The following U2SURP variants were observed in gnomAD, a reference collection of about 807,000 sequenced individuals.
U2SURP encodes the protein U2 snRNP associated SURP domain containing, also known as U2 snRNP-associated SURP motif-containing protein.
U2SURP carries 9 observed loss-of-function variants against 144.9 expected under a neutral mutation model. The observed-to-expected ratio is 0.06, with a 90% confidence interval of 0.04 to 0.11. The LOEUF (loss-of-function observed/expected upper bound fraction) is 0.11. Ranked by LOEUF, U2SURP falls within the 10% of genes least tolerant of loss-of-function variation. U2SURP has a pLI of 1.00. For missense variants in U2SURP, 724 were observed against 1,226.7 expected (o/e 0.59, Z 6.12); for synonymous variants, 408 against 396.8 (o/e 1.03, Z -0.33).
chr3:143,011,835 A>G, intron 2 of U2SURP: 1 of 402,386 alleles, frequency 2.5e-6, no homozygotes. Context: ...CCAAAATGTG[A>G]TGTTTGTTTG....
chr3:143,055,221 T>TTA, intron 27 of U2SURP, 102 bp downstream of exon 27: 1 of 1,020,116 alleles, frequency 9.8e-7, no homozygotes, highest in Non-Finnish European at 1.4e-6. Context: ...TTTTTTTTTT[T>TTA]AAGGATTTTA....
chr3:143,011,243 A>G (rs1936109978), intron 2 of U2SURP, among the ~76,000 whole-genome samples: 1 of 152,300 alleles, frequency 6.6e-6, no homozygotes, highest in East Asian at 1.9e-4. Context: ...TTCTTAAGGC[A>G]TCATAATGTT....
chr3:143,018,210 A>G (rs1423184542), intron 6 of U2SURP, among the ~76,000 whole-genome samples: 2 of 151,426 alleles, frequency 1.3e-5, no homozygotes, highest in African/African-American at 2.4e-5. Flanking sequence ...TTTTTTTTCT[A>G]TTAACTTCAG....
At position 143,060,721 on chromosome 3, in the gene U2SURP, A is replaced by G. The variant is rs1248669494; in HGVS notation, c.*4271A>G. ...CTATAATCATATGTTTTCATGCTAG[A>G]TGGTTCTCTTGGTTAGGAAAGTTCA... On this transcript the variant is annotated 3_prime_UTR_variant, in exon 28 of 28. Transcript: ENST00000473835. 6.6e-6 allele frequency among the ~76,000 whole-genome samples: 1 copy of G among 151,996 alleles called. No individual in the cohort carries two copies. Among genetic ancestry groups the G allele is most frequent in the Non-Finnish European group, 1.5e-5 (1 of 67,868 alleles).
rs761164008 is a variant in U2SURP at position 143,012,394 on chromosome 3, T to C, written c.222+41T>C. 10 of 1,537,004 alleles carry C rather than the reference T, an allele frequency of 6.5e-6. No individual in the cohort carries two copies. In the Admixed American group the frequency reaches 1.2e-4, roughly 19 times the overall value. On this transcript the variant is annotated intron_variant, in intron 3 of 27. Coordinates refer to ENST00000473835, the MANE Select transcript of U2SURP (RefSeq NM_001080415.2). ...ATAAGGTAAAGATAAGAAAGGATAG[T>C]TAATGATTTTAATCTGTCTTTGACT...
At position 143,016,975 on chromosome 3, in the gene U2SURP, T is replaced by G. The variant is rs1477900593; in HGVS notation, c.570T>G (p.Pro190=). The change falls in exon 6 of 28, where the codon CCT becomes CCG. Residue 190 remains proline, a splice_region_variant and synonymous_variant. Coordinates refer to ENST00000473835, the MANE Select transcript of U2SURP (RefSeq NM_001080415.2). ...TTCTTGTGATAGAAACCAAAAAACCTGTAAGTCATACTTAAGTAATTGACC... is the reference window on the plus strand; with the variant it reads ...TTCTTGTGATAGAAACCAAAAAACCGGTAAGTCATACTTAAGTAATTGACC... The part of the protein sequence containing the change: ...PSLLVIETKK[P]PLKKGEKEKK... 6.4e-7 allele frequency: 1 copy of G among 1,574,110 alleles called. No individual in the cohort carries two copies. Among genetic ancestry groups the G allele is most frequent in the African/African-American group, 1.4e-5 (1 of 71,828 alleles).
At chr3:143,015,052 T>A (rs1329860419) in intron 4 of U2SURP, among the ~76,000 whole-genome samples, 1 of 152,128 alleles carries the variant, frequency 6.6e-6, no homozygotes, top group Non-Finnish European at 1.5e-5. Context: ...TATTTGTCAT[T>A]GTCAAATTGC....
chr3:143,010,793 CTT>C lies in U2SURP; in HGVS notation c.46-19_46-18del. The C allele has an allele frequency of 6.3e-7, 1 of 1,587,380 alleles. No homozygotes were observed. The highest frequency in any genetic ancestry group is 1.3e-5 in the African/African-American group (1 of 74,420). On this transcript the variant is annotated intron_variant, in intron 1 of 27. Coordinates refer to ENST00000473835, the MANE Select transcript of U2SURP (RefSeq NM_001080415.2). ...AGTATAAGACATTTTAAATTATTGA[CTT>C]TTATTTTTGATACTTGTAGACGAGA...
intron 13 of U2SURP, chr3:143,024,385 C>T: frequency 2.7e-6 from 1 of 364,004 alleles, no homozygotes; most frequent in Middle Eastern, 5.0e-4. Context: ...TTATTTTTTT[C>T]TTGTTTTCTG....
At chr3:143,008,620 C>T (rs928109553) in intron 1 of U2SURP, among the ~76,000 whole-genome samples, 3 of 152,148 alleles carry the variant, frequency 2.0e-5, no homozygotes, top group Non-Finnish European at 4.4e-5. Flanking sequence ...GGATTTTTCT[C>T]GAAGTTTTTG....
chr3:143,041,429 A>G (rs894717507), intron 23 of U2SURP, among the ~76,000 whole-genome samples: 11 of 151,924 alleles, frequency 7.2e-5, no homozygotes, highest in African/African-American at 2.7e-4. Context: ...TTCCTTAGCT[A>G]ATATTGTATT....
Position 143,059,290 on chromosome 3 carries a change from ACAGACCTGATTTTTCTTTATTG to A in U2SURP, c.*2847_*2868del, listed in dbSNP as rs1279846480. 2 of 152,350 alleles carry A rather than the reference ACAGACCTGATTTTTCTTTATTG, an allele frequency of 1.3e-5. No individual in the cohort carries two copies. Among genetic ancestry groups the A allele is most frequent in the Non-Finnish European group, 2.9e-5 (2 of 67,818 alleles). The allele number at this position is 152,350 out of a possible 1,614,324, so 9.4% of individuals were successfully genotyped here. A position where few individuals can be genotyped will look rare whatever the true frequency, so the allele number is the denominator to read the frequency against. On this transcript the variant is annotated 3_prime_UTR_variant, in exon 28 of 28. Transcript: ENST00000473835. ...CTAAAGATGGCAGAAATTACTCTAC[ACAGACCTGATTTTTCTTTATTG>A]CAGACCATTCTTGTGGGCTTACCCT...
intron 19 of U2SURP, 97 bp from the exon 20 acceptor site, chr3:143,035,885 G>A: frequency 7.5e-7 from 1 of 1,337,830 alleles, no homozygotes; most frequent in Non-Finnish European, 9.8e-7. Context: ...TCAGTTTAAA[G>A]GCAAATTTAG....
intron 1 of U2SURP, among the ~76,000 whole-genome samples, chr3:143,001,956 C>A (rs1935554234): frequency 6.6e-6 from 1 of 152,248 alleles, no homozygotes; most frequent in African/African-American, 2.4e-5. Flanking sequence ...AGATTGAGGT[C>A]TGAAGCAGTG....
intron 13 of U2SURP, chr3:143,024,663 C>G (rs895511003): frequency 2.1e-5 from 5 of 234,618 alleles, no homozygotes; most frequent in Non-Finnish European, 4.3e-5. Flanking sequence ...AAGCCTTTTC[C>G]CAAACACAGG....
At chr3:143,035,827 A>C (rs1933780844) in intron 19 of U2SURP, among the ~76,000 whole-genome samples, 155 bp from the exon 20 acceptor site, 1 of 152,112 alleles carries the variant, frequency 6.6e-6, no homozygotes, top group African/African-American at 2.4e-5. Context: ...TTTTTTTAAA[A>C]AATATGGTAA....
chr3:143,030,812 G>A lies in U2SURP; in HGVS notation c.1611-1972G>A, dbSNP rs947025159. 7.2e-5 allele frequency among the ~76,000 whole-genome samples: 11 copies of A among 152,206 alleles called. No individual in the cohort carries two copies. In the East Asian group the frequency reaches 1.9e-3, roughly 27 times the overall value. On this transcript the variant is annotated intron_variant, in intron 16 of 27. Transcript: ENST00000473835. ...TGTAATCCCAGCACTATGGGAGGCC[G>A]AGGCAGGAGGATAGCATGAGGCCAA...
chr3:143,032,740 A>G, intron 16 of U2SURP, 44 bp from the exon 17 acceptor site: 2 of 1,526,968 alleles, frequency 1.3e-6, no homozygotes, highest in Non-Finnish European at 8.9e-7. Context: ...ATGGCATTTG[A>G]AATTGTATCT....
chr3:143,029,344 A>G (rs921786751), intron 16 of U2SURP, among the ~76,000 whole-genome samples: 1 of 152,222 alleles, frequency 6.6e-6, no homozygotes. Context: ...AGTCAAACAA[A>G]TCTGTTGTCA....
Sources: allele counts gnomAD v4.1 joint callset (sites outside exome capture counted in the v4.1 genomes callset), GRCh38; gene constraint gnomAD v4.1.1; transcripts MANE v1.5; gene names NCBI Gene and HGNC (gene_info 2026-07-23, HGNC 2026-07-21).